PPHLN1: variants seen among roughly 807,000 people sequenced by gnomAD.
PPHLN1 encodes the protein periphilin-1.
A neutral mutation model predicts 51.3 loss-of-function variants in PPHLN1; 29 were observed. That is an observed-to-expected ratio of 0.57 (90% CI 0.42 to 0.77). The LOEUF (loss-of-function observed/expected upper bound fraction) is 0.77, where lower values mean the gene tolerates loss of function less well. PPHLN1 is among the 30% of genes least tolerant of loss of function. PPHLN1 has a pLI of 0.00. For synonymous variants in PPHLN1, 147 were observed against 147.8 expected (o/e 0.99, Z 0.04); for missense variants, 436 against 438.4 (o/e 0.99, Z 0.05).
chr12:42,346,334 AT>A (rs59044480), intron 2 of PPHLN1, among the ~76,000 whole-genome samples: 3,519 of 151,608 alleles, frequency 0.023, 143 homozygotes, highest in African/African-American at 0.081. Flanking sequence ...ATCATGCAAT[AT>A]TTTTTTGTGT....
At chr12:42,409,824 T>C (rs1436640617) in intron 9 of PPHLN1, among the ~76,000 whole-genome samples, 2 of 152,112 alleles carry the variant, frequency 1.3e-5, no homozygotes, top group African/African-American at 4.8e-5. Context: ...ATGTGTCTGT[T>C]TTCATTAGTT....
At chr12:42,349,761 A>C (rs111428095) in intron 2 of PPHLN1, among the ~76,000 whole-genome samples, 17,539 of 151,938 alleles carry the variant, frequency 0.12, 1,284 homozygotes, top group African/African-American at 0.21. Context: ...AGGCAGAAGA[A>C]TTTTTCTTAG....
At chr12:42,368,913 G>A (rs552017589) in intron 4 of PPHLN1, among the ~76,000 whole-genome samples, 18 of 152,284 alleles carry the variant, frequency 1.2e-4, no homozygotes, top group Non-Finnish European at 1.9e-4. Context: ...ATATGAAGCT[G>A]TAGGTAGCCT....
intron 8 of PPHLN1, among the ~76,000 whole-genome samples, chr12:42,397,510 G>C (rs913137375): frequency 6.6e-6 from 1 of 151,688 alleles, no homozygotes; most frequent in African/African-American, 2.4e-5. Context: ...TGTCTTCTCT[G>C]TTGTACTTTC....
chr12:42,446,513 T>G (rs2083331862), downstream of PPHLN1: 1 of 1,528,896 alleles, frequency 6.5e-7, no homozygotes, highest in Non-Finnish European at 8.9e-7. Flanking sequence ...AGACCCCCAC[T>G]CCTGGGGGTC....
intron 4 of PPHLN1, 131 bp from the exon 5 acceptor site, chr12:42,374,732 G>A: frequency 1.4e-6 from 1 of 703,986 alleles, no homozygotes; most frequent in South Asian, 2.0e-5. Context: ...GGGATTACAG[G>A]CGTGAGTCAC....
At chr12:42,397,837 G>A (rs1226608479) in intron 8 of PPHLN1, among the ~76,000 whole-genome samples, 1 of 152,046 alleles carries the variant, frequency 6.6e-6, no homozygotes, top group Non-Finnish European at 1.5e-5. Context: ...TGCCTCCCGG[G>A]TTCAAGTGAT....
At chr12:42,437,071 A>G (rs1279333596) in intron 9 of PPHLN1, among the ~76,000 whole-genome samples, 6 of 152,150 alleles carry the variant, frequency 3.9e-5, no homozygotes, top group African/African-American at 1.4e-4. Flanking sequence ...TGATACATCC[A>G]AAGGTTCCAA....
At chr12:42,425,038 T>TTATG (rs71435906) in intron 9 of PPHLN1, among the ~76,000 whole-genome samples, 39,985 of 136,602 alleles carry the variant, frequency 0.29, 5,831 homozygotes, top group Middle Eastern at 0.41. Flanking sequence ...TTATTTTATT[T>TTATG]TATGTATGTA....
At chr12:42,412,226 G>GT (rs1187494851) in intron 9 of PPHLN1, among the ~76,000 whole-genome samples, 5 of 151,714 alleles carry the variant, frequency 3.3e-5, no homozygotes, top group African/African-American at 9.7e-5. Flanking sequence ...AAAAGAAGTA[G>GT]TTTTTTATCC....
intron 9 of PPHLN1, among the ~76,000 whole-genome samples, chr12:42,437,828 G>C (rs919777949): frequency 6.6e-6 from 1 of 152,140 alleles, no homozygotes; most frequent in African/African-American, 2.4e-5. Flanking sequence ...AATGTCCTAT[G>C]TTCCACCTGT....
At chr12:42,363,345 T>C (rs1391669649) in intron 4 of PPHLN1, among the ~76,000 whole-genome samples, 1 of 152,032 alleles carries the variant, frequency 6.6e-6, no homozygotes, top group Non-Finnish European at 1.5e-5. Context: ...AAAAAATTTT[T>C]TTTGTAGTTT....
At chr12:42,430,490 T>C (rs867286832) in intron 9 of PPHLN1, among the ~76,000 whole-genome samples, 60 of 149,962 alleles carry the variant, frequency 4.0e-4, no homozygotes, top group Middle Eastern at 3.4e-3. Flanking sequence ...CTATATTCTT[T>C]TTTTGGTTTT....
chr12:42,333,027 A>G (rs1298580033), intron 1 of PPHLN1, among the ~76,000 whole-genome samples: 1 of 152,164 alleles, frequency 6.6e-6, no homozygotes, highest in East Asian at 1.9e-4. Context: ...CCAGCTACCT[A>G]GTTCTCCCCA....
chr12:42,433,375 T>G lies in PPHLN1; in HGVS notation c.910-7940T>G, dbSNP rs2082207317. The G allele has an allele frequency of 1.6e-5, 7 of 444,180 alleles. No homozygotes were observed. The East Asian group carries it at 3.9e-4, about 24-fold the overall frequency. The allele number at this position is 444,180 out of a possible 1,614,324, so 27.5% of individuals were successfully genotyped here. On this transcript the variant is annotated intron_variant, in intron 9 of 9. Coordinates refer to ENST00000358314, the MANE Select transcript of PPHLN1 (RefSeq NM_201439.2). ...AGGGAGTTGCTTACTTAAGGGAGAA[T>G]GCAGTGGTGCGTTCTCTGCTCACTG...
At chr12:42,356,990 A>G (rs555742205) in intron 4 of PPHLN1, among the ~76,000 whole-genome samples, 1 of 152,376 alleles carries the variant, frequency 6.6e-6, no homozygotes, top group African/African-American at 2.4e-5. Flanking sequence ...AATAAGATCA[A>G]CTATCAGCAT....
intron 4 of PPHLN1, among the ~76,000 whole-genome samples, chr12:42,356,324 C>G (rs2074045142): frequency 6.6e-6 from 1 of 152,180 alleles, no homozygotes; most frequent in South Asian, 2.1e-4. Context: ...GTCCCCAAAT[C>G]CCACAGGGCG....
At chr12:42,396,035 CA>C (rs1386960065) in intron 8 of PPHLN1, among the ~76,000 whole-genome samples, 1 of 151,870 alleles carries the variant, frequency 6.6e-6, no homozygotes, top group Non-Finnish European at 1.5e-5. Flanking sequence ...CAGCATTTCC[CA>C]AGGTATTTGA....
rs202234959 is a variant in PPHLN1, at chr12:42,418,631, TCTA to T, written c.909+19641_909+19643del. On this transcript the variant is annotated intron_variant, in intron 9 of 9. Transcript: ENST00000358314. Reference sequence around the variant, plus strand: ...TTGAGAGCCTTTCTTGATTATGACTTCTACTAAGCATTCTCTCTCTGGCCTCTG... The same window carrying T: ...TTGAGAGCCTTTCTTGATTATGACTTCTAAGCATTCTCTCTCTGGCCTCTG... Among the ~76,000 whole-genome samples, 1,396 of 152,218 alleles carry T rather than the reference TCTA, an allele frequency of 9.2e-3. 27 individuals are homozygous for T. Among genetic ancestry groups the T allele is most frequent in the African/African-American group, 0.032 (1,322 of 41,518 alleles).
Sources: gnomAD v4.1 joint callset for allele counts (sites outside exome capture counted in the v4.1 genomes callset) on GRCh38, gnomAD v4.1.1 for gene constraint, MANE v1.5 for transcripts, NCBI Gene and HGNC (gene_info 2026-07-23, HGNC 2026-07-21) for gene names.